The following ZNF423 variants were observed in gnomAD, a reference collection of about 807,000 sequenced individuals.
ZNF423 encodes the protein Ebf-associated zinc finger protein.
In ZNF423, 12 loss-of-function variants were observed where a neutral mutation model predicts 95.8. The observed-to-expected ratio is 0.13, with a 90% CI of 0.08 to 0.20. ZNF423 has a LOEUF of 0.20. Among genes scored for constraint, ZNF423 ranks in the 10% least tolerant of loss-of-function variants. The pLI is 1.00. For synonymous variants in ZNF423, 749 were observed against 711.9 expected (o/e 1.05, Z -0.83); for missense variants, 1,316 against 1,737.1 (o/e 0.76, Z 4.31).
At chr16:49,708,252 A>G (rs1431841878) in intron 3 of ZNF423, 1 of 152,072 alleles carries the variant, frequency 6.6e-6, no homozygotes, top group African/African-American at 2.4e-5. Context: ...GGATCGGCGG[A>G]GCTGCTGAGC....
chr16:49,673,766 C>G (rs1335118198), intron 3 of ZNF423, among the ~76,000 whole-genome samples: 2 of 152,242 alleles, frequency 1.3e-5, no homozygotes, highest in Non-Finnish European at 2.9e-5. Context: ...TTCAGTCTAC[C>G]CTGATGAGGA....
At chr16:49,757,262 A>G (rs2033744471) in intron 2 of ZNF423, among the ~76,000 whole-genome samples, 1 of 152,180 alleles carries the variant, frequency 6.6e-6, no homozygotes. Flanking sequence ...TGGAGATTCC[A>G]TAGGTTCGTG....
intron 2 of ZNF423, among the ~76,000 whole-genome samples, chr16:49,770,942 C>T (rs1009750652): frequency 1.3e-5 from 2 of 152,182 alleles, no homozygotes; most frequent in Non-Finnish European, 2.9e-5. Context: ...CCCCACCTTC[C>T]CTCCCTCGCA....
At chr16:49,584,723 T>C (rs1468799214) in intron 5 of ZNF423, among the ~76,000 whole-genome samples, 2 of 152,202 alleles carry the variant, frequency 1.3e-5, no homozygotes, top group African/African-American at 2.4e-5. Flanking sequence ...GATGTCTCTC[T>C]GTCCAATTTT....
At chr16:49,830,012 G>A (rs1567363215) in intron 1 of ZNF423, among the ~76,000 whole-genome samples, 1 of 152,142 alleles carries the variant, frequency 6.6e-6, no homozygotes, top group Admixed American at 6.5e-5. Flanking sequence ...GGGGACAGTC[G>A]AGCGGCCACT....
chr16:49,520,393 TCCTGTTAACGCAA>T (rs71134593), intron 7 of ZNF423, among the ~76,000 whole-genome samples: 30,747 of 152,114 alleles, frequency 0.2, 3,417 homozygotes, highest in African/African-American at 0.27. Context: ...GCAACTGTGC[TCCTGTTAACGCAA>T]CCTAAGAAAA....
chr16:49,671,967 G>T (rs113900310), intron 3 of ZNF423, among the ~76,000 whole-genome samples: 1 of 152,078 alleles, frequency 6.6e-6, no homozygotes, highest in Non-Finnish European at 1.5e-5. Context: ...CTACAGGCGT[G>T]AGCCACCGCG....
At chr16:49,780,912 T>C (rs2034201674) in intron 2 of ZNF423, among the ~76,000 whole-genome samples, 1 of 152,200 alleles carries the variant, frequency 6.6e-6, no homozygotes, top group South Asian at 2.1e-4. Context: ...TTGGTCCTCA[T>C]CAAGAAGATG....
intron 3 of ZNF423, among the ~76,000 whole-genome samples, chr16:49,706,445 T>C (rs2032352999): frequency 6.6e-6 from 1 of 152,206 alleles, no homozygotes; most frequent in South Asian, 2.1e-4. Context: ...TCCAGTCCTG[T>C]GCTCTAAAGG....
intron 3 of ZNF423, among the ~76,000 whole-genome samples, chr16:49,692,599 G>A (rs1288885496): frequency 6.6e-6 from 1 of 152,230 alleles, no homozygotes; most frequent in African/African-American, 2.4e-5. Context: ...CTTGCTAGGA[G>A]GCACAGAAGC....
At chr16:49,716,438 C>T (rs1046017485) in intron 3 of ZNF423, among the ~76,000 whole-genome samples, 2 of 152,156 alleles carry the variant, frequency 1.3e-5, no homozygotes, top group African/African-American at 2.4e-5. Flanking sequence ...AGAGCCACCT[C>T]GCCTGCCTCA....
chr16:49,601,823 A>C (rs535484468), intron 5 of ZNF423, among the ~76,000 whole-genome samples: 1 of 152,340 alleles, frequency 6.6e-6, no homozygotes, highest in Non-Finnish European at 1.5e-5. Flanking sequence ...GTCTTCCTAG[A>C]GGAAGCAGGA....
chr16:49,685,862 C>T (rs1399368704), intron 3 of ZNF423, among the ~76,000 whole-genome samples: 2 of 152,226 alleles, frequency 1.3e-5, no homozygotes, highest in Admixed American at 6.5e-5. Context: ...CACCCGTACA[C>T]ACGCTCTGCT....
intron 3 of ZNF423, among the ~76,000 whole-genome samples, chr16:49,710,540 G>A (rs1428517908): frequency 2.6e-5 from 4 of 152,220 alleles, no homozygotes. Context: ...GGCGGCAGAA[G>A]TAGTGAGGGA....
intron 3 of ZNF423, among the ~76,000 whole-genome samples, chr16:49,677,302 A>AGAAGAGAAGAGAAGGGAAGG (rs2031129609): frequency 1.3e-5 from 1 of 75,074 alleles, no homozygotes; most frequent in Non-Finnish European, 2.7e-5. Flanking sequence ...AGAAGAGAAG[A>AGAAGAGAAGAGAAGGGAAGG]GAAGAGAAAG....
chr16:49,813,443 C>T (rs568422352), intron 1 of ZNF423, among the ~76,000 whole-genome samples: 2 of 152,300 alleles, frequency 1.3e-5, no homozygotes, highest in East Asian at 3.9e-4. Flanking sequence ...TGAGGAACCG[C>T]CCCTAACCCT....
chr16:49,574,688 C>A lies in ZNF423; in HGVS notation c.3602-49194G>T, dbSNP rs149574280. On this transcript the variant is annotated intron_variant, in intron 5 of 7. Transcript: ENST00000563137. The stretch of plus-strand genomic sequence containing the variant: ...TTGAACCCAATGACAGGGGCACTCT[C>A]CGCCTACAGCCAGCTGCACTCCAGG... Among the ~76,000 whole-genome samples, 705 of 151,578 alleles carry A rather than the reference C, an allele frequency of 4.7e-3. 7 individuals are homozygous for A. The highest frequency in any genetic ancestry group is 0.016 in the African/African-American group (665 of 41,320).
chr16:49,856,761 C>CGCCGCTGCCTGCCCTCGGGCT (rs1305869195), upstream of ZNF423, among the ~76,000 whole-genome samples: 1 of 147,966 alleles, frequency 6.8e-6, no homozygotes, highest in African/African-American at 2.4e-5. Context: ...TGCGCCGGGC[C>CGCCGCTGCCTGCCCTCGGGCT]GCCGCTGCCT....
At chr16:49,767,725 C>T (rs532852097) in intron 2 of ZNF423, among the ~76,000 whole-genome samples, 78 of 152,326 alleles carry the variant, frequency 5.1e-4, no homozygotes, top group African/African-American at 1.7e-3. Context: ...CCCTCAAACA[C>T]AGCATCGAGG....
Sources: gnomAD v4.1 joint callset for allele counts (sites outside exome capture counted in the v4.1 genomes callset) on GRCh38, gnomAD v4.1.1 for gene constraint, MANE v1.5 for transcripts, NCBI Gene and HGNC (gene_info 2026-07-23, HGNC 2026-07-21) for gene names.